The following KLC1 variants were observed in gnomAD, a reference collection of about 807,000 sequenced individuals.
KLC1 encodes kinesin light chain 1.
Under a neutral mutation model 84.2 loss-of-function variants are expected in KLC1, and 30 were observed. The observed-to-expected ratio is 0.36, with a 90% CI of 0.27 to 0.48. The LOEUF (loss-of-function observed/expected upper bound fraction) is 0.48, where lower values mean the gene tolerates loss of function less well. Among genes scored for constraint, KLC1 ranks in the 20% least tolerant of loss-of-function variants. The pLI is 0.99. For missense variants in KLC1, 499 were observed against 805.4 expected (o/e 0.62, Z 4.60); for synonymous variants, 289 against 293.3 (o/e 0.99, Z 0.15).
intron 11 of KLC1, among the ~76,000 whole-genome samples, chr14:103,676,847 A>T (rs2080930270): frequency 6.6e-6 from 1 of 152,182 alleles, no homozygotes; most frequent in Non-Finnish European, 1.5e-5. Context: ...GCTCAATGAT[A>T]CAGTTTGAAA....
rs764192254 is a variant in KLC1 at position 103,673,100 on chromosome 14, A to G, written c.1074A>G (p.Val358=). 6.2e-6 allele frequency: 10 copies of G among 1,613,680 alleles called. No individual in the cohort carries two copies. The East Asian group carries it at 8.9e-5, about 14-fold the overall frequency. ...AGAACCAGGGCAAGTATGAAGAAGT[A>G]GAATATTATTATCAAAGAGCCCTCG... The part of the protein sequence containing the change: ...LCQNQGKYEE[V]EYYYQRALEI... The change falls in exon 8 of 17, where the codon GTA becomes GTG. Residue 358 remains valine, a synonymous_variant. Coordinates refer to ENST00000334553, the MANE Select transcript of KLC1 (RefSeq NM_001394837.1).
intron 1 of KLC1, among the ~76,000 whole-genome samples, chr14:103,635,324 G>C (rs2076967127): frequency 6.6e-6 from 1 of 152,192 alleles, no homozygotes; most frequent in South Asian, 2.1e-4. Flanking sequence ...CACTGTTCCA[G>C]AGAAAATAGG....
rs200382220 is a variant in KLC1, at chr14:103,698,847, G to A, written c.1849-1808G>A. The A allele has an allele frequency of 3.3e-5, 53 of 1,607,536 alleles. No individual in the cohort carries two copies. The East Asian group carries it at 7.2e-4, about 22-fold the overall frequency. On this transcript the variant is annotated intron_variant, in intron 15 of 16. Coordinates refer to ENST00000334553, the MANE Select transcript of KLC1 (RefSeq NM_001394837.1). ...CCCTCGCACCCCTTCGGCACTGATC[G>A]TGTAGGAACAGGAGGAGGGGGGCAG...
At chr14:103,673,459 A>G (rs773301282) in intron 9 of KLC1, 28 bp downstream of exon 9, 30 of 1,370,174 alleles carry the variant, frequency 2.2e-5, no homozygotes, top group Non-Finnish European at 2.9e-5. Context: ...GTTTCAAGTG[A>G]ATTTAATTGT....
rs903877881 is a variant in KLC1, at chr14:103,632,721, C to CA, written c.-2+3235dup. 7.3e-4 allele frequency among the ~76,000 whole-genome samples: 110 copies of CA among 151,400 alleles called. 1 individual carries two copies. The highest frequency in any genetic ancestry group is 3.4e-3 in the Middle Eastern group (1 of 294). ...GGGCAACAAGAGCAAAACTCTGCCT[C>CA]AAAAAAAATAAAACCAAAAAACAAA... is the stretch of plus-strand genomic sequence containing the variant. On this transcript the variant is annotated intron_variant, in intron 1 of 16. Transcript: ENST00000334553.
At chr14:103,680,585 GTC>G (rs1857228996) in intron 13 of KLC1, among the ~76,000 whole-genome samples, 1 of 152,192 alleles carries the variant, frequency 6.6e-6, no homozygotes, top group African/African-American at 2.4e-5. Flanking sequence ...CTCTTTGACT[GTC>G]TATCTGGCAG....
chr14:103,654,357 A>G (rs77040510), intron 1 of KLC1, among the ~76,000 whole-genome samples: 2,755 of 152,320 alleles, frequency 0.018, 72 homozygotes, highest in African/African-American at 0.058. Context: ...AAAAAGAATT[A>G]AGACATAAAC....
At chr14:103,638,789 T>TG (rs1292227254) in intron 1 of KLC1, among the ~76,000 whole-genome samples, 2 of 147,596 alleles carry the variant, frequency 1.4e-5, no homozygotes, top group East Asian at 4.0e-4. Context: ...ATGAACACAG[T>TG]GGGGGTGTGT....
intron 1 of KLC1, among the ~76,000 whole-genome samples, chr14:103,649,069 G>A (rs959074389): frequency 3.3e-5 from 5 of 151,984 alleles, no homozygotes; most frequent in African/African-American, 7.3e-5. Flanking sequence ...CCCGGGATGC[G>A]GAAGTTGCAG....
At chr14:103,648,393 C>T (rs1478701237) in intron 1 of KLC1, among the ~76,000 whole-genome samples, 1 of 152,112 alleles carries the variant, frequency 6.6e-6, no homozygotes, top group East Asian at 1.9e-4. Flanking sequence ...AATCAGAGGT[C>T]CCAATGTGGA....
chr14:103,661,104 C>T (rs924785040), intron 3 of KLC1, among the ~76,000 whole-genome samples: 15 of 152,164 alleles, frequency 9.9e-5, no homozygotes, highest in Admixed American at 8.5e-4. Flanking sequence ...CGGCTGCTTA[C>T]TGCTGCTGGG....
At chr14:103,652,379 C>G (rs1323505424) in intron 1 of KLC1, among the ~76,000 whole-genome samples, 1 of 152,190 alleles carries the variant, frequency 6.6e-6, no homozygotes, top group Non-Finnish European at 1.5e-5. Context: ...AGCAGTATCA[C>G]TCAGCAATAT....
Position 103,672,870 on chromosome 14 carries a change from G to A in KLC1, c.988-144G>A, listed in dbSNP as rs1201607569. 5 of 690,388 alleles carry A rather than the reference G, an allele frequency of 7.2e-6. No homozygotes were observed. The Admixed American group carries it at 9.4e-5, about 13-fold the overall frequency. The allele number at this position is 690,388 out of a possible 1,614,324, so 42.8% of individuals were successfully genotyped here. A position where few individuals can be genotyped will look rare whatever the true frequency, so the allele number is the denominator to read the frequency against. The stretch of plus-strand genomic sequence containing the variant: ...TCTGGTTATTTTATTACTACGTGGT[G>A]TAGCGAGCCAGTTAAGGATTTAAAT... On this transcript the variant is annotated intron_variant, in intron 7 of 16. Transcript: ENST00000334553.
At chr14:103,669,761 G>T (rs1388124735) in intron 6 of KLC1, among the ~76,000 whole-genome samples, 163 bp downstream of exon 6, 3 of 152,202 alleles carry the variant, frequency 2.0e-5, no homozygotes, top group Admixed American at 6.5e-5. Flanking sequence ...GCTAGTGACA[G>T]GCCAGAGCAC....
At position 103,694,690 on chromosome 14, in the gene KLC1, C is replaced by CA. The variant is rs1207642600; in HGVS notation, c.1848+2266dup. 1 of 985,444 alleles carries CA rather than the reference C, an allele frequency of 1.0e-6. No homozygotes were observed. Among genetic ancestry groups the CA allele is most frequent in the African/African-American group, 1.7e-5 (1 of 57,342 alleles). 61.0% of individuals were successfully genotyped at this position (985,444 alleles called of 1,614,324 possible). A position where few individuals can be genotyped will look rare whatever the true frequency, so the allele number is the denominator to read the frequency against. ...GATGGAGGGGCGGTCTGTGAAACACCAGCCATCCCGTGAAAGCTCAGCTTG... is the reference window on the plus strand; with the variant it reads ...GATGGAGGGGCGGTCTGTGAAACACCAAGCCATCCCGTGAAAGCTCAGCTTG... On this transcript the variant is annotated intron_variant, in intron 15 of 16. Transcript: ENST00000334553. The surrounding 1 kb of genome is among the most constrained non-coding windows in gnomAD (Gnocchi z 4.5).
chr14:103,673,473 ATGACT>A (rs771846919), intron 9 of KLC1, 42 bp downstream of exon 9: 5 of 1,259,098 alleles, frequency 4.0e-6, no homozygotes, highest in East Asian at 2.4e-5. Flanking sequence ...TAATTGTATA[ATGACT>A]TGACTAATAG....
intron 2 of KLC1, 121 bp downstream of exon 2, chr14:103,654,946 C>T (rs914631278): frequency 1.8e-5 from 21 of 1,164,208 alleles, no homozygotes; most frequent in South Asian, 1.4e-4. Context: ...AGATCCAGGC[C>T]GAGTGCGGTG....
At chr14:103,670,151 C>G in intron 6 of KLC1, 31 bp from the exon 7 acceptor site, 1 of 1,505,570 alleles carries the variant, frequency 6.6e-7, no homozygotes, top group Non-Finnish European at 9.2e-7. Context: ...TTATCTTTTA[C>G]CATTCTTAGT....
chr14:103,697,313 CAG>C (rs1357063440), intron 15 of KLC1: 1 of 197,366 alleles, frequency 5.1e-6, no homozygotes, highest in Non-Finnish European at 9.1e-6. Flanking sequence ...AAACGGCAAA[CAG>C]AAAAATTCTG....
Sources: allele counts gnomAD v4.1 joint callset (sites outside exome capture counted in the v4.1 genomes callset), GRCh38; gene constraint gnomAD v4.1.1; non-coding constraint Gnocchi (gnomAD v3.1); transcripts MANE v1.5; gene names NCBI Gene and HGNC (gene_info 2026-07-23, HGNC 2026-07-21).